The following KIAA2012 variants were observed in gnomAD, a reference collection of about 807,000 sequenced individuals.
KIAA2012 encodes KIAA2012.
In KIAA2012, 125 loss-of-function variants were observed where a neutral mutation model predicts 150.6. The observed-to-expected ratio is 0.83, with a 90% CI of 0.72 to 0.96. The LOEUF is 0.96. Among genes scored for constraint, KIAA2012 ranks in the 40% least tolerant of loss-of-function variants. The pLI is 0.00. For missense variants in KIAA2012, 1,219 were observed against 1,354.9 expected, an observed-to-expected ratio of 0.90 and a Z score of 1.57; for synonymous variants, 462 against 504.7, an observed-to-expected ratio of 0.92 and a Z score of 1.13.
At chr2:202,204,654 A>G (rs1358831900) in intron 23 of KIAA2012, among the ~76,000 whole-genome samples, 1 of 152,144 alleles carries the variant, frequency 6.6e-6, no homozygotes, top group Non-Finnish European at 1.5e-5. Flanking sequence ...CACCTTTACA[A>G]CCCAGAAATC....
intron 8 of KIAA2012, among the ~76,000 whole-genome samples, chr2:202,103,895 A>G (rs1317783451): frequency 6.6e-6 from 1 of 152,236 alleles, no homozygotes; most frequent in Non-Finnish European, 1.5e-5. Context: ...TGTTTAAGAC[A>G]CATTCTTGCT....
chr2:202,077,484 C>T (rs1689351826), intron 2 of KIAA2012, among the ~76,000 whole-genome samples: 1 of 152,122 alleles, frequency 6.6e-6, no homozygotes, highest in African/African-American at 2.4e-5. Flanking sequence ...CCTGTGGCAT[C>T]CATCTTCTAA....
At chr2:202,078,851 G>A (rs1689381998) in intron 2 of KIAA2012, among the ~76,000 whole-genome samples, 2 of 152,144 alleles carry the variant, frequency 1.3e-5, no homozygotes, top group Non-Finnish European at 2.9e-5. Context: ...CAGAATGTGA[G>A]ACTAGGCCAC....
intron 2 of KIAA2012, among the ~76,000 whole-genome samples, chr2:202,080,333 C>G (rs1312694078): frequency 6.6e-6 from 1 of 152,166 alleles, no homozygotes; most frequent in African/African-American, 2.4e-5. Flanking sequence ...ATCCAATACA[C>G]TCCTGTTTCT....
intron 16 of KIAA2012, among the ~76,000 whole-genome samples, chr2:202,185,546 C>A (rs1049419887): frequency 6.6e-6 from 1 of 152,096 alleles, no homozygotes; most frequent in Non-Finnish European, 1.5e-5. Flanking sequence ...CAGAGGAACA[C>A]CATTTTTAGA....
intron 11 of KIAA2012, among the ~76,000 whole-genome samples, chr2:202,117,434 T>C (rs1559210507): frequency 1.3e-5 from 2 of 152,244 alleles, no homozygotes; most frequent in African/African-American, 4.8e-5. Context: ...GGGTACTGTT[T>C]AAAGTATGAT....
intron 15 of KIAA2012, chr2:202,179,904 A>G: frequency 1.4e-6 from 1 of 725,634 alleles, no homozygotes; most frequent in Non-Finnish European, 2.4e-6. Flanking sequence ...GCCAAATGAG[A>G]GGATAACATA....
At chr2:202,093,957 G>A (rs1689799252) in intron 4 of KIAA2012, among the ~76,000 whole-genome samples, 3 of 152,174 alleles carry the variant, frequency 2.0e-5, no homozygotes, top group African/African-American at 4.8e-5. Flanking sequence ...TGGTAGCAGG[G>A]TTCTTGAGAA....
intron 11 of KIAA2012, among the ~76,000 whole-genome samples, chr2:202,123,083 G>A (rs1412726949): frequency 1.3e-5 from 2 of 152,168 alleles, no homozygotes. Flanking sequence ...GGCTGTAGGG[G>A]AAATGGTTGA....
intron 11 of KIAA2012, among the ~76,000 whole-genome samples, chr2:202,122,404 C>CT (rs980670394): frequency 6.6e-6 from 1 of 152,132 alleles, no homozygotes; most frequent in African/African-American, 2.4e-5. Context: ...AACCAGCACT[C>CT]TGAGATCTGG....
At chr2:202,149,017 G>A (rs1043844918) in intron 13 of KIAA2012, among the ~76,000 whole-genome samples, 1 of 152,190 alleles carries the variant, frequency 6.6e-6, no homozygotes, top group African/African-American at 2.4e-5. Flanking sequence ...AACAGGGCCC[G>A]GGAAGGCCAA....
At chr2:202,187,133 C>T (rs773271099) in intron 17 of KIAA2012, 35 bp downstream of exon 17, 11 of 1,544,284 alleles carry the variant, frequency 7.1e-6, no homozygotes, top group Admixed American at 5.9e-5. Context: ...GGTCCAAAAG[C>T]CCTACTTGGA....
chr2:202,204,144 AC>A (rs1692591768), intron 23 of KIAA2012, among the ~76,000 whole-genome samples: 1 of 149,856 alleles, frequency 6.7e-6, no homozygotes, highest in Non-Finnish European at 1.5e-5. Flanking sequence ...TGGCGCCATC[AC>A]AGCTCACTGC....
At chr2:202,105,560 G>A (rs950449777) in intron 8 of KIAA2012, among the ~76,000 whole-genome samples, 5 of 152,128 alleles carry the variant, frequency 3.3e-5, no homozygotes, top group Admixed American at 6.5e-5. Context: ...TGCCCACCCC[G>A]GAACCAATCT....
intron 22 of KIAA2012, among the ~76,000 whole-genome samples, chr2:202,200,863 C>A (rs1159003161): frequency 6.6e-6 from 1 of 151,880 alleles, no homozygotes; most frequent in Non-Finnish European, 1.5e-5. Context: ...TGCACCACTA[C>A]GCCCGGCTAA....
chr2:202,117,423 G>T (rs1690554131), intron 11 of KIAA2012, among the ~76,000 whole-genome samples: 1 of 152,318 alleles, frequency 6.6e-6, no homozygotes, highest in East Asian at 1.9e-4. Flanking sequence ...CCATGTTGGT[G>T]GGGTACTGTT....
chr2:202,091,041 T>G, intron 3 of KIAA2012, 112 bp downstream of exon 3: 1 of 1,378,448 alleles, frequency 7.3e-7, no homozygotes, highest in Non-Finnish European at 9.7e-7. Context: ...AGCCCAATTC[T>G]GTGTTAAAGC....
At chr2:202,191,421 T>G (rs1230225807) in intron 19 of KIAA2012, among the ~76,000 whole-genome samples, 1 of 152,152 alleles carries the variant, frequency 6.6e-6, no homozygotes, top group Non-Finnish European at 1.5e-5. Context: ...GGCGCATGCC[T>G]GTAAACCCAG....
chr2:202,151,153 T>C (rs1339578238), intron 13 of KIAA2012, among the ~76,000 whole-genome samples: 1 of 152,068 alleles, frequency 6.6e-6, no homozygotes, highest in East Asian at 1.9e-4. Flanking sequence ...TCTCAGCACT[T>C]TGAGAGGCCA....
Sources: allele counts gnomAD v4.1 joint callset (sites outside exome capture counted in the v4.1 genomes callset), GRCh38; gene constraint gnomAD v4.1.1; transcripts MANE v1.5; gene names NCBI Gene and HGNC (gene_info 2026-07-23, HGNC 2026-07-21).